STX8: variants seen among roughly 807,000 people sequenced by gnomAD.
The protein encoded by STX8 is syntaxin-8.
A neutral mutation model predicts 37.5 loss-of-function variants in STX8; 23 were observed. The observed-to-expected ratio is 0.61, with a 90% confidence interval of 0.44 to 0.87. The LOEUF is 0.87. Ranked by LOEUF, STX8 falls within the 40% of genes least tolerant of loss-of-function variation. STX8 has a pLI of 0.00. For synonymous variants in STX8, 115 were observed against 99.1 expected (o/e 1.16, Z -0.95); for missense variants, 313 against 284.7 (o/e 1.10, Z -0.71).
At chr17:9,523,510 T>C (rs1017795223) in intron 4 of STX8, among the ~76,000 whole-genome samples, 3 of 152,076 alleles carry the variant, frequency 2.0e-5, no homozygotes, top group Non-Finnish European at 2.9e-5. Context: ...CCATCTGCAA[T>C]AACAACTCTC....
chr17:9,526,740 C>T (rs1429830389), intron 4 of STX8, among the ~76,000 whole-genome samples: 1 of 151,730 alleles, frequency 6.6e-6, no homozygotes, highest in Non-Finnish European at 1.5e-5. Context: ...TGTGGTGGTG[C>T]GTGCCTGTAA....
At chr17:9,257,598 G>T (rs1906847822) in intron 7 of STX8, among the ~76,000 whole-genome samples, 1 of 152,188 alleles carries the variant, frequency 6.6e-6, no homozygotes, top group Non-Finnish European at 1.5e-5. Flanking sequence ...GGCAGGGAGG[G>T]GTGAAGGGCG....
At chr17:9,333,578 A>G (rs1270822131) in intron 7 of STX8, among the ~76,000 whole-genome samples, 5 of 152,012 alleles carry the variant, frequency 3.3e-5, no homozygotes, top group Non-Finnish European at 5.9e-5. Context: ...TTTAGTAGAG[A>G]TGGGGTTTCA....
chr17:9,566,584 C>T (rs141313120), intron 2 of STX8, among the ~76,000 whole-genome samples: 3,652 of 152,134 alleles, frequency 0.024, 57 homozygotes, highest in South Asian at 0.035. Context: ...GTCAGGTGTT[C>T]GAGACAAGCC....
At chr17:9,492,779 C>T (rs997455966) in intron 5 of STX8, among the ~76,000 whole-genome samples, 1 of 152,090 alleles carries the variant, frequency 6.6e-6, no homozygotes, top group South Asian at 2.1e-4. Flanking sequence ...TAAGATCTCA[C>T]CTCTAGAAAA....
chr17:9,323,454 C>A (rs1393829933), intron 7 of STX8, among the ~76,000 whole-genome samples: 1 of 152,106 alleles, frequency 6.6e-6, no homozygotes, highest in Non-Finnish European at 1.5e-5. Context: ...CACAAATATT[C>A]TTAAAACATG....
chr17:9,519,941 C>T (rs948850715), intron 4 of STX8, among the ~76,000 whole-genome samples: 12 of 152,116 alleles, frequency 7.9e-5, no homozygotes, highest in Admixed American at 3.3e-4. Flanking sequence ...CTGGTATTCC[C>T]ATGGTGCTAT....
chr17:9,572,894 C>T (rs1380740578), intron 1 of STX8, among the ~76,000 whole-genome samples: 1 of 152,074 alleles, frequency 6.6e-6, no homozygotes, highest in Non-Finnish European at 1.5e-5. Context: ...ACATTAACTG[C>T]GGAAGAAGCT....
intron 1 of STX8, chr17:9,569,532 A>T (rs932013901): frequency 6.5e-6 from 1 of 153,758 alleles, no homozygotes; most frequent in East Asian, 1.9e-4. Flanking sequence ...CTCTCAAAAC[A>T]TTTAATAAGC....
intron 6 of STX8, among the ~76,000 whole-genome samples, chr17:9,443,949 C>G (rs755780634): frequency 6.6e-6 from 1 of 152,180 alleles, no homozygotes; most frequent in Non-Finnish European, 1.5e-5. Context: ...TTGCCTGGCC[C>G]TTTTCATGAA....
intron 7 of STX8, among the ~76,000 whole-genome samples, chr17:9,310,961 G>A (rs377174348): frequency 2.0e-5 from 3 of 152,114 alleles, no homozygotes; most frequent in Admixed American, 6.6e-5. Context: ...GGAGTCGGCC[G>A]GGTGCAATGG....
chr17:9,505,276 C>T lies in STX8; in HGVS notation c.324-114G>A, dbSNP rs114240538. On this transcript the variant is annotated intron_variant, in intron 4 of 7. Coordinates refer to ENST00000306357, the MANE Select transcript of STX8 (RefSeq NM_004853.3). ...GAATGCTTTGAAAATTCAATTCAAA[C>T]ACAATTTATTGCATCATTAGTTTAT... 2.8e-4 allele frequency: 354 copies of T among 1,254,038 alleles called. 3 individuals are homozygous for T. The African/African-American group carries it at 4.4e-3, about 16-fold the overall frequency. 77.7% of individuals were successfully genotyped at this position (1,254,038 alleles called of 1,614,324 possible).
chr17:9,449,427 G>T (rs1904961612), intron 6 of STX8, among the ~76,000 whole-genome samples: 1 of 152,220 alleles, frequency 6.6e-6, no homozygotes, highest in African/African-American at 2.4e-5. Context: ...GGACATGGCG[G>T]CGGGCGCCTG....
At chr17:9,296,435 T>G (rs910710015) in intron 7 of STX8, among the ~76,000 whole-genome samples, 1 of 150,012 alleles carries the variant, frequency 6.7e-6, no homozygotes, top group Non-Finnish European at 1.5e-5. Context: ...GAGGTGGAGG[T>G]TGCAGTGAAC....
intron 7 of STX8, among the ~76,000 whole-genome samples, chr17:9,367,914 A>G (rs1352533446): frequency 6.6e-6 from 1 of 152,090 alleles, no homozygotes; most frequent in Non-Finnish European, 1.5e-5. Context: ...TATTTTTAGT[A>G]CAGACGGGGT....
At chr17:9,477,611 G>A (rs940711616) in intron 6 of STX8, among the ~76,000 whole-genome samples, 3 of 152,166 alleles carry the variant, frequency 2.0e-5, no homozygotes, top group African/African-American at 7.2e-5. Flanking sequence ...AATTGTAACA[G>A]CAGTCAGTAA....
chr17:9,349,614 G>A (rs934668448), intron 7 of STX8, among the ~76,000 whole-genome samples: 5 of 151,982 alleles, frequency 3.3e-5, no homozygotes, highest in Admixed American at 6.6e-5. Context: ...TAGCCACCAC[G>A]CCGGGCTGAT....
chr17:9,316,019 T>TAA (rs34817207), intron 7 of STX8, among the ~76,000 whole-genome samples: 2 of 138,146 alleles, frequency 1.4e-5, no homozygotes, highest in Admixed American at 7.3e-5. Context: ...CATCTCCAAT[T>TAA]AAAAAAAAAA....
intron 5 of STX8, among the ~76,000 whole-genome samples, chr17:9,501,563 T>C (rs1904609363): frequency 6.6e-6 from 1 of 151,940 alleles, no homozygotes; most frequent in South Asian, 2.1e-4. Flanking sequence ...TGGTGGTACA[T>C]GCCTGTAATC....
Sources: gnomAD v4.1 joint callset for allele counts (sites outside exome capture counted in the v4.1 genomes callset) on GRCh38, gnomAD v4.1.1 for gene constraint, MANE v1.5 for transcripts, NCBI Gene and HGNC (gene_info 2026-07-23, HGNC 2026-07-21) for gene names.